The following PSD3 variants were observed in gnomAD, a reference collection of about 807,000 sequenced individuals.
The protein encoded by PSD3 is pleckstrin and Sec7 domain containing 3.
In PSD3, 49 loss-of-function variants were observed where a neutral mutation model predicts 105.5. That is an observed-to-expected ratio of 0.46 (90% CI 0.37 to 0.59). The LOEUF (loss-of-function observed/expected upper bound fraction) is 0.59, where lower values mean the gene tolerates loss of function less well. Ranked by LOEUF, PSD3 falls within the 20% of genes least tolerant of loss-of-function variation. The pLI is 0.00. For synonymous variants in PSD3, 557 were observed against 457.8 expected (o/e 1.22, Z -2.77); for missense variants, 1,561 against 1,263.8 (o/e 1.24, Z -3.57).
intron 9 of PSD3, among the ~76,000 whole-genome samples, chr8:18,763,917 C>A (rs1175705762): frequency 2.0e-5 from 3 of 152,100 alleles, no homozygotes; most frequent in Non-Finnish European, 1.5e-5. Flanking sequence ...CATACTTTCC[C>A]ATGAGGTTTA....
intron 8 of PSD3, among the ~76,000 whole-genome samples, chr8:18,767,531 A>G (rs1197612128): frequency 6.6e-6 from 1 of 152,018 alleles, no homozygotes; most frequent in African/African-American, 2.4e-5. Flanking sequence ...GTAGATAACG[A>G]GGTCAGGAGT....
intron 9 of PSD3, among the ~76,000 whole-genome samples, chr8:18,687,361 G>A (rs985746432): frequency 2.0e-5 from 3 of 152,114 alleles, no homozygotes; most frequent in Non-Finnish European, 2.9e-5. Context: ...GACTACTTGA[G>A]AGGCTGGGGT....
intron 2 of PSD3, among the ~76,000 whole-genome samples, chr8:18,923,904 A>G (rs761461098): frequency 2.0e-5 from 3 of 151,982 alleles, no homozygotes; most frequent in Admixed American, 1.3e-4. Context: ...ATATACATAT[A>G]TGTGTGTGTT....
rs71510637 is a variant in PSD3 at position 19,077,870 on chromosome 8, C to G, written c.324+6336G>C. Among the ~76,000 whole-genome samples the G allele has an allele frequency of 1.3e-3, 195 of 152,276 alleles. 1 individual carries two copies. Among genetic ancestry groups the G allele is most frequent in the Non-Finnish European group, 2.5e-3 (169 of 68,044 alleles). On this transcript the variant is annotated intron_variant, in intron 1 of 1. Coordinates refer to the PSD3 transcript ENST00000521475. Reference sequence around the variant, plus strand: ...GGCTAATCTCCACCTTTTTGGTGTTCTGACTTCTGGAATACTGGGTCAGGA... The same window carrying G: ...GGCTAATCTCCACCTTTTTGGTGTTGTGACTTCTGGAATACTGGGTCAGGA...
chr8:18,635,375 C>T (rs1398521161), intron 10 of PSD3, among the ~76,000 whole-genome samples: 1 of 152,022 alleles, frequency 6.6e-6, no homozygotes, highest in African/African-American at 2.4e-5. Context: ...TAGGGAGATA[C>T]AGTTATGTAT....
At chr8:18,688,678 A>G (rs926964184) in intron 9 of PSD3, among the ~76,000 whole-genome samples, 14 of 152,160 alleles carry the variant, frequency 9.2e-5, no homozygotes, top group Non-Finnish European at 1.8e-4. Context: ...ATTATTTCTT[A>G]TCACCCACAA....
At chr8:19,025,531 C>T (rs368179845) in intron 1 of PSD3, among the ~76,000 whole-genome samples, 1 of 152,076 alleles carries the variant, frequency 6.6e-6, no homozygotes. Flanking sequence ...CTTGACTTGT[C>T]CAGGTGTCAA....
chr8:19,083,540 G>T (rs1462209795), intron 1 of PSD3, among the ~76,000 whole-genome samples: 1 of 152,192 alleles, frequency 6.6e-6, no homozygotes, highest in Non-Finnish European at 1.5e-5. Flanking sequence ...ACATCCATTT[G>T]GTGGTGGTCT....
chr8:18,548,210 T>C (rs931786916), intron 15 of PSD3, among the ~76,000 whole-genome samples: 1 of 152,184 alleles, frequency 6.6e-6, no homozygotes, highest in Non-Finnish European at 1.5e-5. Flanking sequence ...TTTCCCTGAT[T>C]TCATTGAGGA....
intron 9 of PSD3, among the ~76,000 whole-genome samples, chr8:18,728,061 CA>C (rs1803463588): frequency 6.7e-6 from 1 of 148,876 alleles, no homozygotes; most frequent in Non-Finnish European, 1.5e-5. Flanking sequence ...TTATGAAAAA[CA>C]GAAAAAAAAA....
intron 11 of PSD3, among the ~76,000 whole-genome samples, chr8:18,603,824 A>AT (rs1356158408): frequency 6.6e-6 from 1 of 152,168 alleles, no homozygotes; most frequent in Non-Finnish European, 1.5e-5. Flanking sequence ...TTCTCTGGCC[A>AT]TTTGAAGCCC....
At chr8:18,656,350 G>C (rs950629521) in intron 9 of PSD3, among the ~76,000 whole-genome samples, 2 of 134,186 alleles carry the variant, frequency 1.5e-5, no homozygotes, top group Non-Finnish European at 3.2e-5. Context: ...GAGCCACTGT[G>C]TCTGGCTGCT....
At chr8:18,891,965 G>C (rs935177636) in intron 2 of PSD3, among the ~76,000 whole-genome samples, 8 of 152,096 alleles carry the variant, frequency 5.3e-5, no homozygotes, top group Non-Finnish European at 8.8e-5. Context: ...GCATATAGAG[G>C]AAGTTAACCC....
chr8:18,605,077 C>A (rs912472711), intron 11 of PSD3, among the ~76,000 whole-genome samples: 2 of 152,170 alleles, frequency 1.3e-5, no homozygotes, highest in Non-Finnish European at 2.9e-5. Context: ...GGGGTGCTAC[C>A]TAGTGGAGCT....
At chr8:18,642,727 T>C (rs140690796) in intron 10 of PSD3, among the ~76,000 whole-genome samples, 79 of 152,342 alleles carry the variant, frequency 5.2e-4, no homozygotes, top group African/African-American at 1.5e-3. Context: ...ACTTTCATCA[T>C]ATTTAGAAAT....
chr8:18,776,683 T>C (rs1007510640), intron 8 of PSD3, among the ~76,000 whole-genome samples: 5 of 152,134 alleles, frequency 3.3e-5, no homozygotes, highest in African/African-American at 9.7e-5. Context: ...GCCTGGTTCT[T>C]CTTTAAATGT....
chr8:18,997,351 C>T (rs1270359122), intron 1 of PSD3, among the ~76,000 whole-genome samples: 1 of 151,860 alleles, frequency 6.6e-6, no homozygotes, highest in Non-Finnish European at 1.5e-5. Flanking sequence ...TTCTCCCACT[C>T]ACATCCCACA....
intron 9 of PSD3, among the ~76,000 whole-genome samples, chr8:18,672,974 A>T (rs1461815957): frequency 6.6e-6 from 1 of 152,022 alleles, no homozygotes; most frequent in African/African-American, 2.4e-5. Context: ...CTGATTCATT[A>T]AAAAAAATTT....
rs139294568 is a variant in PSD3, at chr8:18,872,192, G to C, written c.672C>G (p.Asp224Glu). 882 of 1,614,196 alleles carry C rather than the reference G, an allele frequency of 5.5e-4. 5 individuals carry two copies. The African/African-American group carries it at 0.01, about 19-fold the overall frequency. The stretch of plus-strand genomic sequence containing the variant: ...TTATCTGGGAAATCTCTGCCTGAGT[G>C]TCTCCAGTTAACAGCGCGGTGAGAT... ...QKDLTALLTGDTQAEISQIMN... is the reference protein window; with the variant it reads ...QKDLTALLTGETQAEISQIMN... Residue 224 changes from aspartate to glutamate, a missense_variant, in exon 3 of 16, where the codon GAC (aspartate) becomes GAG (glutamate). Physicochemically the swap from Asp to Glu is conservative, Grantham distance 45. Coordinates refer to ENST00000327040, the MANE Select transcript of PSD3 (RefSeq NM_015310.4).
Sources: gnomAD v4.1 joint callset for allele counts (sites outside exome capture counted in the v4.1 genomes callset) on GRCh38, gnomAD v4.1.1 for gene constraint, MANE v1.5 for transcripts, NCBI Gene and HGNC (gene_info 2026-07-23, HGNC 2026-07-21) for gene names.